RELL1: variants seen among roughly 807,000 people sequenced by gnomAD.
The protein encoded by RELL1 is RELT-like protein 1.
RELL1 carries 10 observed loss-of-function variants against 23.0 expected under a neutral mutation model. That is an observed-to-expected ratio of 0.43 (90% CI 0.27 to 0.74). The LOEUF (loss-of-function observed/expected upper bound fraction) is 0.74. Ranked by LOEUF, RELL1 falls within the 30% of genes least tolerant of loss-of-function variation. RELL1 has a pLI of 0.19. For missense variants in RELL1, 315 were observed against 364.4 expected (o/e 0.86, Z 1.10); for synonymous variants, 146 against 146.8 (o/e 0.99, Z 0.04).
chr4:37,635,040 C>G lies in RELL1; in HGVS notation c.527G>C (p.Cys176Ser). 4 of 1,614,248 alleles carry G rather than the reference C, an allele frequency of 2.5e-6. No homozygotes were observed. Among genetic ancestry groups the G allele is most frequent in the East Asian group, 2.2e-5 (1 of 44,884 alleles). Reference sequence around the variant, plus strand: ...GCCCACCGTATGCAGATGATGGCCACAGACGTGCTTCCCTGGCGTCCCCCC... The same window carrying G: ...GCCCACCGTATGCAGATGATGGCCAGAGACGTGCTTCCCTGGCGTCCCCCC... ...SPGGTPGKHVCGHHLHTVGGV... is the reference protein window; with the variant it reads ...SPGGTPGKHVSGHHLHTVGGV... The change falls in exon 5 of 7, where the codon TGT becomes TCT. Residue 176 changes from cysteine to serine, a missense_variant. Cys to Ser is a moderately radical substitution (Grantham distance 112). Transcript: ENST00000454158.
intron 6 of RELL1, among the ~76,000 whole-genome samples, chr4:37,603,489 C>T (rs558223947): frequency 3.9e-5 from 6 of 152,308 alleles, no homozygotes; most frequent in Admixed American, 2.0e-4. Context: ...AGATACAAAA[C>T]ATAGTCCTCT....
chr4:37,630,356 GTTTT>G (rs59763359), intron 6 of RELL1, among the ~76,000 whole-genome samples: 2 of 86,732 alleles, frequency 2.3e-5, no homozygotes, highest in South Asian at 4.3e-4. Context: ...TGTGTGTGTG[GTTTT>G]TTTTTTTTTT....
chr4:37,664,322 G>A (rs1386575412), intron 1 of RELL1, among the ~76,000 whole-genome samples: 1 of 151,514 alleles, frequency 6.6e-6, no homozygotes, highest in Non-Finnish European at 1.5e-5. Context: ...GGGAGGCAGG[G>A]CTTGCAGTGA....
At chr4:37,605,816 A>AAAG (rs1350731852), downstream of RELL1, among the ~76,000 whole-genome samples, 1 of 121,048 alleles carries the variant, frequency 8.3e-6, no homozygotes, top group Non-Finnish European at 2.0e-5. Context: ...AGAAAGAAAG[A>AAAG]AAGAAAGAAA....
At chr4:37,596,055 C>G (rs969221655) in intron 6 of RELL1, among the ~76,000 whole-genome samples, 24 of 152,192 alleles carry the variant, frequency 1.6e-4, no homozygotes, top group African/African-American at 5.5e-4. Flanking sequence ...GTCATGACCT[C>G]CAGGTGTTCA....
At chr4:37,651,230 CG>C (rs1421334367) in intron 1 of RELL1, among the ~76,000 whole-genome samples, 10 of 152,060 alleles carry the variant, frequency 6.6e-5, no homozygotes, top group African/African-American at 2.2e-4. Flanking sequence ...CCAAGGCAGG[CG>C]GATCACTTGA....
At position 37,612,508 on chromosome 4, in the gene RELL1, T is replaced by C. The variant is rs1719437216; in HGVS notation, c.*838A>G. Among the ~76,000 whole-genome samples the C allele has an allele frequency of 6.6e-6, 1 of 151,510 alleles. No homozygotes were observed. The highest frequency in any genetic ancestry group is 2.1e-4 in the South Asian group (1 of 4,800). ...AAAATTAGTCGAGCGTGGTGGTGCA[T>C]GCCTGTAATCCCAGCTACTTGGGAG... is the stretch of plus-strand genomic sequence containing the variant. On this transcript the variant is annotated 3_prime_UTR_variant, in exon 7 of 7. Transcript: ENST00000454158.
intron 6 of RELL1, among the ~76,000 whole-genome samples, chr4:37,600,378 G>A (rs1055687409): frequency 1.3e-5 from 2 of 150,692 alleles, no homozygotes; most frequent in Non-Finnish European, 2.9e-5. Context: ...CTAGATCTTT[G>A]TTGCTACCCA....
downstream of RELL1, among the ~76,000 whole-genome samples, chr4:37,586,532 T>C (rs1718348322): frequency 6.6e-6 from 1 of 152,132 alleles, no homozygotes; most frequent in Admixed American, 6.6e-5. Flanking sequence ...GACAAGGGGT[T>C]TGGTCCTCAA....
intron 1 of RELL1, among the ~76,000 whole-genome samples, chr4:37,682,398 A>G (rs906091613): frequency 1.3e-5 from 2 of 152,226 alleles, no homozygotes; most frequent in Non-Finnish European, 2.9e-5. Context: ...AATTTAATTT[A>G]TTCTTTTTGT....
chr4:37,634,545 T>A (rs1193081677), intron 5 of RELL1, among the ~76,000 whole-genome samples: 2 of 152,236 alleles, frequency 1.3e-5, no homozygotes, highest in Non-Finnish European at 2.9e-5. Flanking sequence ...CCTGGACAAG[T>A]ACTTGAAGAG....
chr4:37,668,349 G>A (rs2109304918), intron 1 of RELL1, among the ~76,000 whole-genome samples: 1 of 152,300 alleles, frequency 6.6e-6, no homozygotes, highest in East Asian at 1.9e-4. Context: ...CCGAGTGCCT[G>A]CGATTGTAGG....
intron 1 of RELL1, among the ~76,000 whole-genome samples, chr4:37,661,459 T>C (rs1366694773): frequency 1.3e-5 from 2 of 152,152 alleles, no homozygotes; most frequent in African/African-American, 2.4e-5. Context: ...TTTTGTATTT[T>C]AGTAGAGACG....
rs1560328277 is a variant in RELL1 at position 37,612,329 on chromosome 4, A to AAC, written c.*1016_*1017insGT. On this transcript the variant is annotated 3_prime_UTR_variant, in exon 7 of 7. Coordinates refer to ENST00000454158, the MANE Select transcript of RELL1 (RefSeq NM_001085400.2). ...AATCGCTCAGCTAAAGGTTAAAAAA[A>AAC]AAAAAAAAACAAAAAAAAACAAAAA... Among the ~76,000 whole-genome samples the AAC allele has an allele frequency of 4.6e-4, 15 of 32,338 alleles. 1 individual carries two copies. Among genetic ancestry groups the AAC allele is most frequent in the Admixed American group, 3.2e-3 (7 of 2,212 alleles). 21.2% of individuals were successfully genotyped at this position (32,338 alleles called of 152,430 possible).
At chr4:37,621,952 T>C (rs1226743363) in intron 6 of RELL1, among the ~76,000 whole-genome samples, 1 of 152,232 alleles carries the variant, frequency 6.6e-6, no homozygotes, top group Non-Finnish European at 1.5e-5. Context: ...AACATCATAG[T>C]TGATGACAGT....
At chr4:37,662,033 C>G (rs1226559273) in intron 1 of RELL1, among the ~76,000 whole-genome samples, 1 of 152,134 alleles carries the variant, frequency 6.6e-6, no homozygotes, top group Non-Finnish European at 1.5e-5. Context: ...CAGCTGCATA[C>G]AGTCCCTCAA....
At chr4:37,634,777 A>G (rs1210214265) in intron 5 of RELL1, 110 bp downstream of exon 5, 7 of 954,016 alleles carry the variant, frequency 7.3e-6, no homozygotes, top group Non-Finnish European at 1.2e-5. Context: ...CCAGAGATAT[A>G]ACCTGAGACA....
chr4:37,623,769 G>A (rs1719848137), intron 6 of RELL1, among the ~76,000 whole-genome samples: 1 of 152,126 alleles, frequency 6.6e-6, no homozygotes. Context: ...TGAAAACCAA[G>A]CCAGGTGGCC....
intron 1 of RELL1, among the ~76,000 whole-genome samples, chr4:37,676,373 G>C (rs1415638556): frequency 2.0e-5 from 3 of 152,124 alleles, no homozygotes; most frequent in Admixed American, 6.5e-5. Flanking sequence ...AATTGGTTTT[G>C]AATAGTATAA....
Sources: allele counts gnomAD v4.1 joint callset (sites outside exome capture counted in the v4.1 genomes callset), GRCh38; gene constraint gnomAD v4.1.1; transcripts MANE v1.5; gene names NCBI Gene and HGNC (gene_info 2026-07-23, HGNC 2026-07-21).